Variants in MRPL30 observed in about 807,000 individuals in gnomAD.
The protein encoded by MRPL30 is mitochondrial ribosomal protein L30, also known as large ribosomal subunit protein uL30m.
In MRPL30, 10 loss-of-function variants were observed where a neutral mutation model predicts 17.2. That is an observed-to-expected ratio of 0.58 (90% CI 0.36 to 0.99). The LOEUF is 0.99. Ranked by LOEUF, MRPL30 falls within the 50% of genes least tolerant of loss-of-function variation. The pLI is 0.01. For synonymous variants in MRPL30, 61 were observed against 62.1 expected (o/e 0.98, Z 0.08); for missense variants, 170 against 189.8 (o/e 0.90, Z 0.61).
chr2:99,195,617 A>T lies in MRPL30; in HGVS notation c.398A>T (p.Asn133Ile). ...KLPQGLPAEE[N>I]MSNTCLKSTG... ...CCACAAGGACTTCCAGCAGAGGAGA[A>T]CATGTCTAACACGTGCCTCAAAAGC... is the stretch of plus-strand genomic sequence containing the variant. Residue 133 changes from asparagine (N) to isoleucine (I), a missense_variant, in exon 6 of 6, where the codon AAC becomes ATC. Coordinates refer to ENST00000338148, the MANE Select transcript of MRPL30 (RefSeq NM_145212.4). 6.2e-7 allele frequency: 1 copy of T among 1,612,562 alleles called. No individual in the cohort carries two copies.
At chr2:99,183,623 G>C (rs775779435) in intron 1 of MRPL30, among the ~76,000 whole-genome samples, 16 of 152,048 alleles carry the variant, frequency 1.1e-4, no homozygotes, top group Non-Finnish European at 1.8e-4. Flanking sequence ...AGCATTGGAG[G>C]TTTTAATTTT....
rs373191080 is a variant in MRPL30 at position 99,188,223 on chromosome 2, G to A, written c.98G>A (p.Arg33His). 44 of 1,608,458 alleles carry A rather than the reference G, an allele frequency of 2.7e-5. No individual in the cohort carries two copies. The highest frequency in any genetic ancestry group is 2.2e-5 in the Non-Finnish European group (26 of 1,178,148). Residue 33 changes from arginine (R) to histidine (H), a missense_variant, in exon 3 of 6, where the codon CGT (arginine) becomes CAT (histidine). Coordinates refer to ENST00000338148, the MANE Select transcript of MRPL30 (RefSeq NM_145212.4). ...VESLICTDWI[R>H]HKFTRSRIPE... Reference sequence around the variant, plus strand: ...TCTCTTATTTGTACAGATTGGATTCGTCACAAATTCACCAGATCAAGAATT... The same window carrying A: ...TCTCTTATTTGTACAGATTGGATTCATCACAAATTCACCAGATCAAGAATT...
In MRPL30 at chr2:99,194,909, T is replaced by C. The variant is rs1444402149; in HGVS notation, c.279+12T>C. On this transcript the variant is annotated intron_variant, in intron 4 of 5. Transcript: ENST00000338148. ...TTGGATTAGAAAAAGTATGCAATTATTTTAATCATCTTTAGTGTTGTTTAC... is the reference window on the plus strand; with the variant it reads ...TTGGATTAGAAAAAGTATGCAATTACTTTAATCATCTTTAGTGTTGTTTAC... The C allele has an allele frequency of 6.4e-7, 1 of 1,552,996 alleles. No homozygotes were observed. Among genetic ancestry groups the C allele is most frequent in the South Asian group, 1.2e-5 (1 of 82,194 alleles).
At position 99,188,098 on chromosome 2, in the gene MRPL30, C is replaced by T. The variant is rs1442565342; in HGVS notation, c.52-79C>T. The stretch of plus-strand genomic sequence containing the variant: ...TTATAGGGTAGGTTGGAACAGACTT[C>T]TGTTACCTAAAGATTGGTGGGTATG... On this transcript the variant is annotated intron_variant, in intron 2 of 5. Transcript: ENST00000338148. 2.8e-6 allele frequency: 3 copies of T among 1,069,770 alleles called. No individual in the cohort carries two copies. The African/African-American group carries it at 4.8e-5, about 17-fold the overall frequency. The allele number at this position is 1,069,770 out of a possible 1,614,324, so 66.3% of individuals were successfully genotyped here.
intron 3 of MRPL30, among the ~76,000 whole-genome samples, chr2:99,192,456 A>G (rs2093948313): frequency 1.3e-5 from 2 of 151,758 alleles, no homozygotes; most frequent in Admixed American, 6.6e-5. Flanking sequence ...TCATTGCTCA[A>G]CTCCCACTTA....
At chr2:99,194,114 T>C (rs761287738) in intron 3 of MRPL30, among the ~76,000 whole-genome samples, 1 of 152,138 alleles carries the variant, frequency 6.6e-6, no homozygotes, top group Non-Finnish European at 1.5e-5. Flanking sequence ...TTAGAATGGA[T>C]GCATCATAAT....
intron 1 of MRPL30, among the ~76,000 whole-genome samples, chr2:99,181,754 CTGTT>C (rs1478735061): frequency 3.3e-5 from 5 of 152,066 alleles, no homozygotes; most frequent in African/African-American, 4.8e-5. Flanking sequence ...CTACCAAAAG[CTGTT>C]TGTTCTGCCC....
intron 3 of MRPL30, among the ~76,000 whole-genome samples, chr2:99,191,603 C>T (rs78194876): frequency 0.025 from 3,795 of 152,202 alleles, 175 homozygotes; most frequent in East Asian, 0.18. Context: ...CCATATCAGT[C>T]CTTTTTCTGT....
In MRPL30 at chr2:99,187,785, G is replaced by A. The variant is rs150904920; in HGVS notation, c.52-392G>A. 6.7e-3 allele frequency among the ~76,000 whole-genome samples: 1,016 copies of A among 151,860 alleles called. 13 individuals carry two copies. The highest frequency in any genetic ancestry group is 0.024 in the African/African-American group (978 of 41,406). ...AGAGGTTGCAGTGAGCCGAGATTGC[G>A]CCAGTGCAGTCCAGCCTGGGTGACA... On this transcript the variant is annotated intron_variant, in intron 2 of 5. Transcript: ENST00000338148.
intron 3 of MRPL30, among the ~76,000 whole-genome samples, chr2:99,192,481 C>T (rs1485280313): frequency 2.0e-5 from 3 of 152,104 alleles, no homozygotes; most frequent in South Asian, 2.1e-4. Flanking sequence ...TGAGAACATG[C>T]GGTATTTGGT....
chr2:99,181,278 C>A, intron 1 of MRPL30, 29 bp downstream of exon 1: 1 of 347,188 alleles, frequency 2.9e-6, no homozygotes, highest in Non-Finnish European at 5.4e-6. Flanking sequence ...GCGGAGAGTG[C>A]GGCATTCTTC....
chr2:99,184,351 G>T (rs11883676), intron 1 of MRPL30, among the ~76,000 whole-genome samples: 90,968 of 152,052 alleles, frequency 0.6, 27,991 homozygotes, highest in East Asian at 0.88. Flanking sequence ...CTGAGTGCTA[G>T]TGCTTTAAGT....
intron 1 of MRPL30, 110 bp from the exon 2 acceptor site, chr2:99,186,067 T>A (rs2093933334): frequency 1.5e-6 from 1 of 660,422 alleles, no homozygotes; most frequent in Non-Finnish European, 2.7e-6. Flanking sequence ...ATAATTTTAC[T>A]GTTAAGTTTA....
At chr2:99,186,534 A>G (rs1486090606) in intron 2 of MRPL30, among the ~76,000 whole-genome samples, 1 of 152,054 alleles carries the variant, frequency 6.6e-6, no homozygotes, top group Non-Finnish European at 1.5e-5. Context: ...GGGTTTCACC[A>G]TATTGGCCAG....
intron 1 of MRPL30, among the ~76,000 whole-genome samples, chr2:99,185,447 C>T (rs146697360): frequency 5.9e-5 from 9 of 152,074 alleles, no homozygotes; most frequent in African/African-American, 1.9e-4. Context: ...TTGTAACGCA[C>T]GAATTAAGTA....
At chr2:99,194,539 G>C (rs2093951989) in intron 3 of MRPL30, among the ~76,000 whole-genome samples, 1 of 152,118 alleles carries the variant, frequency 6.6e-6, no homozygotes, top group South Asian at 2.1e-4. Flanking sequence ...AGTGTTGTCT[G>C]GTTGCTCCTG....
chr2:99,187,144 G>A (rs1419505700), intron 2 of MRPL30: 1 of 152,238 alleles, frequency 6.6e-6, no homozygotes, highest in Non-Finnish European at 1.5e-5. Flanking sequence ...ACAGCTGGTA[G>A]GCAGCAGAAC....
chr2:99,194,362 T>C (rs552497833), intron 3 of MRPL30, among the ~76,000 whole-genome samples: 2 of 152,326 alleles, frequency 1.3e-5, no homozygotes, highest in Admixed American at 6.5e-5. Context: ...CATAATACTT[T>C]GTAGATTCTT....
At chr2:99,191,038 C>T (rs1352997967) in intron 3 of MRPL30, among the ~76,000 whole-genome samples, 1 of 150,464 alleles carries the variant, frequency 6.6e-6, no homozygotes, top group South Asian at 2.1e-4. Flanking sequence ...GACGGAGTCT[C>T]GCTCTGTCTC....
Sources: allele counts gnomAD v4.1 joint callset (sites outside exome capture counted in the v4.1 genomes callset), GRCh38; gene constraint gnomAD v4.1.1; transcripts MANE v1.5; gene names NCBI Gene and HGNC (gene_info 2026-07-23, HGNC 2026-07-21).